The following FKBP10 variants were observed in gnomAD, a reference collection of about 807,000 sequenced individuals.
FKBP10 encodes the protein FKBP prolyl isomerase 10.
FKBP10 carries 34 observed loss-of-function variants against 53.7 expected under a neutral mutation model. The observed-to-expected ratio is 0.63, with a 90% confidence interval of 0.48 to 0.84. FKBP10 has a LOEUF of 0.84. Ranked by LOEUF, FKBP10 falls within the 40% of genes least tolerant of loss-of-function variation. The pLI, the probability that FKBP10 is intolerant of heterozygous loss-of-function variation, is 0.00. For synonymous variants in FKBP10, 324 were observed against 335.7 expected, an observed-to-expected ratio of 0.97 and a Z score of 0.38; for missense variants, 748 against 797.8, an observed-to-expected ratio of 0.94 and a Z score of 0.75.
At chr17:41,821,854 C>T in intron 9 of FKBP10, 37 bp downstream of exon 9, 1 of 1,612,916 alleles carries the variant, frequency 6.2e-7, no homozygotes. Context: ...CATGCCCACG[C>T]AATCCCCGCA....
In FKBP10 at chr17:41,819,646, C is replaced by A; in HGVS notation, c.1034C>A (p.Pro345Gln). The A allele has an allele frequency of 6.2e-7, 1 of 1,609,794 alleles. No homozygotes were observed. Among genetic ancestry groups the A allele is most frequent in the East Asian group, 2.2e-5 (1 of 44,794 alleles). The change falls in exon 6 of 10, where the codon CCG (proline) becomes CAG (glutamine). Residue 345 changes from proline (P) to glutamine (Q), a missense_variant. Coordinates refer to ENST00000321562, the MANE Select transcript of FKBP10 (RefSeq NM_021939.4). ...GAACGCCGGAGAATTACCATCCCCC[C>A]GCACCTCGCCTATGGGGAGAATGGA... ...MGERRRITIP[P>Q]HLAYGENGTG...
intron 1 of FKBP10, among the ~76,000 whole-genome samples, chr17:41,814,670 G>A (rs2047792770): frequency 6.6e-6 from 1 of 152,202 alleles, no homozygotes; most frequent in South Asian, 2.1e-4. Context: ...GAGTGAGGCA[G>A]GGGTTGGGAT....
At position 41,820,411 on chromosome 17, in the gene FKBP10, T is replaced by C; in HGVS notation, c.1206T>C (p.Val402=). The change falls in exon 7 of 10, where the codon GTT becomes GTC. Residue 402 remains valine (V), a synonymous_variant. Transcript: ENST00000321562. ...AGACCACCAAGCTTGGGGACTTTGT[T>C]CGATACCATTACAACTGTTCTTTGC... The part of the protein sequence containing the change: ...CNETTKLGDF[V]RYHYNCSLLD... The C allele has an allele frequency of 1.9e-6, 3 of 1,613,990 alleles. No homozygotes were observed. Among genetic ancestry groups the C allele is most frequent in the Non-Finnish European group, 1.7e-6 (2 of 1,180,004 alleles).
At chr17:41,816,978 C>T (rs2047823962) in intron 1 of FKBP10, 80 bp from the exon 2 acceptor site, 1 of 1,600,938 alleles carries the variant, frequency 6.2e-7, no homozygotes, top group Non-Finnish European at 8.5e-7. Flanking sequence ...TGTGTGCAGG[C>T]ACACCTGTGC....
Position 41,819,409 on chromosome 17 carries a change from G to A in FKBP10, c.917+10G>A, listed in dbSNP as rs782708556. ...CCCTCTTCGATTCCAGGTCAGGAGG[G>A]TCTTGAGGTGGGAGGGCGGGGGCTG... On this transcript the variant is annotated intron_variant, in intron 5 of 9. Transcript: ENST00000321562. 2.1e-6 allele frequency: 3 copies of A among 1,436,002 alleles called. No homozygotes were observed. Among genetic ancestry groups the A allele is most frequent in the South Asian group, 1.1e-5 (1 of 87,608 alleles). 89.0% of individuals were successfully genotyped at this position (1,436,002 alleles called of 1,614,324 possible).
chr17:41,820,469 C>CG lies in FKBP10; in HGVS notation c.1256+17dup, dbSNP rs55720039. 9,201 of 931,422 alleles carry CG rather than the reference C, an allele frequency of 9.9e-3. 81 individuals carry two copies. The highest frequency in any genetic ancestry group is 0.052 in the Admixed American group (2,784 of 53,886). The allele number at this position is 931,422 out of a possible 1,614,324, so 57.7% of individuals were successfully genotyped here. A position where few individuals can be genotyped will look rare whatever the true frequency, so the allele number is the denominator to read the frequency against. On this transcript the variant is annotated intron_variant, in intron 7 of 9. Coordinates refer to ENST00000321562, the MANE Select transcript of FKBP10 (RefSeq NM_021939.4). The stretch of plus-strand genomic sequence containing the variant: ...CACCCAGCTGTTCACCTCGTGGGTC[C>CG]GGGGGGGGGCCGGGACTGGGCAGGT...
At position 41,821,063 on chromosome 17, in the gene FKBP10, C is replaced by G; in HGVS notation, c.1373C>G (p.Pro458Arg). Residue 458 changes from proline (P) to arginine (R), a missense_variant, in exon 8 of 10, where the codon CCG (proline) becomes CGG (arginine). Coordinates refer to ENST00000321562, the MANE Select transcript of FKBP10 (RefSeq NM_021939.4). Reference sequence around the variant, plus strand: ...GAGAGGCGGCAGCTCATCGTGCCCCCGCACCTGGCCCACGGGGAGAGTGGA... The same window carrying G: ...GAGAGGCGGCAGCTCATCGTGCCCCGGCACCTGGCCCACGGGGAGAGTGGA... ...VGERRQLIVP[P>R]HLAHGESGAR... 1.3e-6 allele frequency: 2 copies of G among 1,579,524 alleles called. No individual in the cohort carries two copies. Among genetic ancestry groups the G allele is most frequent in the Non-Finnish European group, 1.7e-6 (2 of 1,162,994 alleles).
intron 4 of FKBP10, chr17:41,818,972 AAAG>A: frequency 1.9e-6 from 1 of 523,800 alleles, no homozygotes; most frequent in Admixed American, 3.4e-5. Context: ...AAAAAAAAAA[AAAG>A]AAGGGGTGCT....
chr17:41,820,364 C>T lies in FKBP10; in HGVS notation c.1159C>T (p.Arg387Trp), dbSNP rs781992912. 7.4e-6 allele frequency: 12 copies of T among 1,614,068 alleles called. No individual in the cohort carries two copies. The highest frequency in any genetic ancestry group is 1.6e-4 in the Middle Eastern group (1 of 6,084). The change falls in exon 7 of 10, where the codon CGG becomes TGG. Residue 387 changes from arginine to tryptophan, a missense_variant. By Grantham distance (101) the Arg-to-Trp change is moderately radical (BLOSUM62 -3). Coordinates refer to ENST00000321562, the MANE Select transcript of FKBP10 (RefSeq NM_021939.4). ...TGTGGTGGAAATCAGGACACTGTCC[C>T]GGCCATCTGAGACCTGCAATGAGAC... is the stretch of plus-strand genomic sequence containing the variant. The part of the protein sequence containing the change: ...ADVVEIRTLS[R>W]PSETCNETTK...
At chr17:41,820,863 G>A (rs1377388612) in intron 7 of FKBP10, 84 bp from the exon 8 acceptor site, 14 of 1,549,598 alleles carry the variant, frequency 9.0e-6, no homozygotes, top group Non-Finnish European at 1.1e-5. Context: ...CTGAGGGCTT[G>A]TTCTGGGCCC....
chr17:41,818,620 G>A, intron 4 of FKBP10, 93 bp downstream of exon 4: 3 of 1,524,016 alleles, frequency 2.0e-6, no homozygotes, highest in Non-Finnish European at 2.7e-6. Context: ...ACTGCACGAG[G>A]GCATCCAACC....
intron 3 of FKBP10, 30 bp from the exon 4 acceptor site, chr17:41,818,352 C>A (rs1555616416): frequency 6.2e-7 from 1 of 1,614,172 alleles, no homozygotes; most frequent in South Asian, 1.1e-5. Context: ...GCCCAGCCTG[C>A]CTCTCCCACC....
chr17:41,813,367 T>TC (rs2047773432), intron 1 of FKBP10, 88 bp downstream of exon 1: 1 of 1,561,582 alleles, frequency 6.4e-7, no homozygotes, highest in Admixed American at 1.7e-5. Context: ...AAGCTCTGCA[T>TC]CCCAATACTC....
intron 4 of FKBP10, chr17:41,818,953 CT>C: frequency 2.9e-6 from 1 of 348,784 alleles, no homozygotes. Context: ...GAGACTCTGT[CT>C]CAAAAAAAAA....
Position 41,818,972 on chromosome 17 carries a change from A to T in FKBP10, c.728-238A>T, listed in dbSNP as rs1158950882. On this transcript the variant is annotated intron_variant, in intron 4 of 9. Coordinates refer to ENST00000321562, the MANE Select transcript of FKBP10 (RefSeq NM_021939.4). ...CTCTGTCTCAAAAAAAAAAAAAAAA[A>T]AAGAAGGGGTGCTTTATTCTGATTC... 1.5e-5 allele frequency: 8 copies of T among 523,802 alleles called. No homozygotes were observed. The East Asian group carries it at 2.7e-4, about 18-fold the overall frequency. The allele number at this position is 523,802 out of a possible 1,614,324, so 32.4% of individuals were successfully genotyped here.
chr17:41,821,716 G>A lies in FKBP10; in HGVS notation c.1462G>A (p.Gly488Arg). 1 of 1,614,122 alleles carries A rather than the reference G, an allele frequency of 6.2e-7. No homozygotes were observed. Among genetic ancestry groups the A allele is most frequent in the Non-Finnish European group, 8.5e-7 (1 of 1,180,008 alleles). Residue 488 changes from glycine (G) to arginine (R), a missense_variant, in exon 9 of 10, where the codon GGG becomes AGG. Transcript: ENST00000321562. ...FEVELVSRED[G>R]LPTGYLFVWH... ...GGTGGAGCTGGTGTCCCGGGAGGAT[G>A]GGCTGCCCACAGGCTACCTGTTTGT...
chr17:41,813,758 G>A (rs1373456052), intron 1 of FKBP10, among the ~76,000 whole-genome samples: 2 of 152,176 alleles, frequency 1.3e-5, no homozygotes, highest in Non-Finnish European at 1.5e-5. Context: ...TGGAGGGGGT[G>A]GGAGTTTTCA....
At position 41,821,779 on chromosome 17, in the gene FKBP10, A is replaced by G; in HGVS notation, c.1525A>G (p.Met509Val). The change falls in exon 9 of 10, where the codon ATG (methionine) becomes GTG (valine). Residue 509 changes from methionine to valine, a missense_variant. Transcript: ENST00000321562. ...CCCTCCTGCCAACCTGTTTGAAGACATGGACCTCAACAAGGATGGCGAGGT... is the reference window on the plus strand; with the variant it reads ...CCCTCCTGCCAACCTGTTTGAAGACGTGGACCTCAACAAGGATGGCGAGGT... The part of the protein sequence containing the change: ...KDPPANLFED[M>V]DLNKDGEVPP... 10 of 1,614,156 alleles carry G rather than the reference A, an allele frequency of 6.2e-6. No individual in the cohort carries two copies. Among genetic ancestry groups the G allele is most frequent in the Non-Finnish European group, 8.5e-6 (10 of 1,180,010 alleles).
Position 41,818,132 on chromosome 17 carries a change from T to G in FKBP10, c.435T>G (p.Val145=), listed in dbSNP as rs1225498262. Residue 145 remains valine, a synonymous_variant, in exon 3 of 10, where the codon GTT becomes GTG. Coordinates refer to ENST00000321562, the MANE Select transcript of FKBP10 (RefSeq NM_021939.4). ...PPDATLYFDV[V]LLDVWNKEDT... is the part of the protein sequence containing the mutation. ...ATGCCACCCTCTACTTCGATGTGGT[T>G]CTGCTGGATGTGTGGAACAAGGAAG... is the stretch of plus-strand genomic sequence containing the variant. 2.5e-6 allele frequency: 4 copies of G among 1,613,796 alleles called. No individual in the cohort carries two copies. In the East Asian group the frequency reaches 8.9e-5, roughly 36 times the overall value.
Sources: allele counts gnomAD v4.1 joint callset (sites outside exome capture counted in the v4.1 genomes callset), GRCh38; gene constraint gnomAD v4.1.1; transcripts MANE v1.5; gene names NCBI Gene and HGNC (gene_info 2026-07-23, HGNC 2026-07-21).